The following FAM234A variants were observed in gnomAD, a reference collection of about 807,000 sequenced individuals.
The protein encoded by FAM234A is family with sequence similarity 234 member A, also known as protein FAM234A.
In FAM234A, 42 loss-of-function variants were observed where a neutral mutation model predicts 49.1. The observed-to-expected ratio is 0.86, with a 90% CI of 0.67 to 1.11. The LOEUF (loss-of-function observed/expected upper bound fraction) is 1.11, where lower values mean the gene tolerates loss of function less well. FAM234A is among the 50% of genes least tolerant of loss of function. The pLI is 0.00. For missense variants in FAM234A, 815 were observed against 745.2 expected (o/e 1.09, Z -1.09); for synonymous variants, 369 against 316.2 (o/e 1.17, Z -1.77).
In FAM234A at chr16:252,372, C is replaced by T. The variant is rs2051055286; in HGVS notation, c.-33-2009C>T. ...AATTTTTGTATTTTTAGTAGAGATG[C>T]GGTTTTCACCATGTTGTCCAGGATG... is the stretch of plus-strand genomic sequence containing the variant. On this transcript the variant is annotated intron_variant, in intron 2 of 12. Transcript: ENST00000399932. Among the ~76,000 whole-genome samples the T allele has an allele frequency of 2.0e-5, 3 of 151,798 alleles. No individual in the cohort carries two copies. In the South Asian group the frequency reaches 6.2e-4, roughly 32 times the overall value.
intron 3 of FAM234A, among the ~76,000 whole-genome samples, chr16:257,033 C>G (rs1254172167): frequency 6.6e-6 from 1 of 151,962 alleles, no homozygotes; most frequent in Non-Finnish European, 1.5e-5. Context: ...CGTGCCACCA[C>G]GCTTGGCCGT....
At chr16:264,529 G>T in intron 11 of FAM234A, 85 bp from the exon 12 acceptor site, 1 of 950,244 alleles carries the variant, frequency 1.1e-6, no homozygotes, top group South Asian at 1.4e-5. Flanking sequence ...CAGACATAGA[G>T]CTCCAGGCAC....
chr16:239,641 A>G (rs570634144), intron 1 of FAM234A, among the ~76,000 whole-genome samples: 2 of 151,396 alleles, frequency 1.3e-5, no homozygotes, highest in South Asian at 4.2e-4. Context: ...AATTAACACT[A>G]ATTTGTGGGG....
At chr16:247,655 A>T (rs1236769072) in intron 1 of FAM234A, among the ~76,000 whole-genome samples, 1 of 151,688 alleles carries the variant, frequency 6.6e-6, no homozygotes, top group Non-Finnish European at 1.5e-5. Context: ...CTGGTCTCGA[A>T]CTCCTGACCT....
At chr16:259,683 T>C (rs2051378949) in intron 4 of FAM234A, 84 bp downstream of exon 4, 1 of 883,482 alleles carries the variant, frequency 1.1e-6, no homozygotes, top group East Asian at 2.4e-5. Context: ...CTTTCAGTGT[T>C]TGGGGGAAGC....
At chr16:269,609 C>G, downstream of FAM234A, 2 of 1,571,592 alleles carry the variant, frequency 1.3e-6, no homozygotes, top group South Asian at 1.1e-5. Flanking sequence ...CGTCCAGCCC[C>G]TGACCCTTCT....
intron 2 of FAM234A, among the ~76,000 whole-genome samples, chr16:253,211 CA>C (rs2051091232): frequency 6.6e-6 from 1 of 152,140 alleles, no homozygotes; most frequent in Admixed American, 6.5e-5. Flanking sequence ...CCACCGCATC[CA>C]CCCCCGGTCC....
intron 1 of FAM234A, among the ~76,000 whole-genome samples, chr16:241,350 G>A (rs181643629): frequency 6.6e-5 from 10 of 152,110 alleles, no homozygotes; most frequent in Non-Finnish European, 1.3e-4. Flanking sequence ...GGGAGGCAGA[G>A]GTGGGAGGAT....
chr16:259,855 G>T, intron 4 of FAM234A, 114 bp from the exon 5 acceptor site: 1 of 949,208 alleles, frequency 1.1e-6, no homozygotes, highest in Non-Finnish European at 1.6e-6. Context: ...GGCGGGAGGG[G>T]CTGTGGCCTA....
At chr16:269,670 T>C, downstream of FAM234A, 2 of 1,071,840 alleles carry the variant, frequency 1.9e-6, no homozygotes, top group Admixed American at 3.9e-5. Context: ...CAAACATTGC[T>C]GGAGCCTCCT....
At chr16:259,033 G>A (rs2051351125) in intron 3 of FAM234A, among the ~76,000 whole-genome samples, 1 of 152,086 alleles carries the variant, frequency 6.6e-6, no homozygotes, top group African/African-American at 2.4e-5. Context: ...TGCCCTCCTC[G>A]GCCTCCCAAA....
chr16:242,628 T>C (rs1215468821), intron 1 of FAM234A, among the ~76,000 whole-genome samples: 3 of 149,988 alleles, frequency 2.0e-5, no homozygotes, highest in Non-Finnish European at 3.0e-5. Context: ...TTTTTTTTTT[T>C]CTGAGACAGA....
chr16:267,030 G>T (rs988599256), downstream of FAM234A, among the ~76,000 whole-genome samples: 1 of 152,112 alleles, frequency 6.6e-6, no homozygotes, highest in Non-Finnish European at 1.5e-5. Flanking sequence ...GGGCCAAGGG[G>T]TGCCATTGCT....
At position 263,716 on chromosome 16, in the gene FAM234A, C is replaced by G. The variant is rs575006186; in HGVS notation, c.1129C>G (p.Arg377Gly). 6.2e-7 allele frequency: 1 copy of G among 1,613,914 alleles called. No individual in the cohort carries two copies. The highest frequency in any genetic ancestry group is 8.5e-7 in the Non-Finnish European group (1 of 1,179,818). ...TTGTTCCAGAAAACCCATCTTCGGCCGCTACAAACCAGACACCTTGGCTGT... is the reference window on the plus strand; with the variant it reads ...TTGTTCCAGAAAACCCATCTTCGGCGGCTACAAACCAGACACCTTGGCTGT... ...AHVLRKPIFG[R>G]YKPDTLAVAV... Residue 377 changes from arginine (R) to glycine (G), a missense_variant, in exon 10 of 13, where the codon CGC (arginine) becomes GGC (glycine). Physicochemically the swap from Arg to Gly is moderately radical, Grantham distance 125. Coordinates refer to ENST00000399932, the MANE Select transcript of FAM234A (RefSeq NM_032039.4).
At chr16:263,613 T>A (rs925824834) in intron 9 of FAM234A, 87 bp from the exon 10 acceptor site, 25 of 1,304,808 alleles carry the variant, frequency 1.9e-5, no homozygotes, top group Non-Finnish European at 2.7e-5. Flanking sequence ...CATGGGAGAC[T>A]GAGGGGCGGA....
intron 1 of FAM234A, among the ~76,000 whole-genome samples, chr16:244,750 A>G (rs9929922): frequency 0.31 from 42,637 of 138,594 alleles, 8,245 homozygotes; most frequent in African/African-American, 0.56. Flanking sequence ...GTGGAATGGC[A>G]CGATCTTGGC....
chr16:251,158 A>G (rs1441848481), intron 2 of FAM234A, among the ~76,000 whole-genome samples: 4 of 151,956 alleles, frequency 2.6e-5, no homozygotes, highest in African/African-American at 4.8e-5. Context: ...GGCTTTCACC[A>G]TATTGGCCAG....
intron 2 of FAM234A, among the ~76,000 whole-genome samples, chr16:250,737 C>T (rs1444744912): frequency 6.6e-6 from 1 of 152,180 alleles, no homozygotes; most frequent in African/African-American, 2.4e-5. Context: ...CTGTTCCGCA[C>T]CTGGCCCCCA....
chr16:256,576 T>C (rs1427161096), intron 3 of FAM234A, among the ~76,000 whole-genome samples: 1 of 151,914 alleles, frequency 6.6e-6, no homozygotes, highest in Non-Finnish European at 1.5e-5. Flanking sequence ...TTTATTTATT[T>C]ATTTATTTTT....
Sources: allele counts gnomAD v4.1 joint callset (sites outside exome capture counted in the v4.1 genomes callset), GRCh38; gene constraint gnomAD v4.1.1; transcripts MANE v1.5; gene names NCBI Gene and HGNC (gene_info 2026-07-23, HGNC 2026-07-21).